Variants in PLEKHA6 observed in about 807,000 individuals in gnomAD.
PLEKHA6 encodes the protein pleckstrin homology domain-containing family A member 6.
In PLEKHA6, 60 loss-of-function variants were observed where a neutral mutation model predicts 116.7. The observed-to-expected ratio is 0.51, with a 90% CI of 0.42 to 0.64. PLEKHA6 has a LOEUF of 0.64. Ranked by LOEUF, PLEKHA6 falls within the 30% of genes least tolerant of loss-of-function variation. PLEKHA6 has a pLI of 0.00. For missense variants in PLEKHA6, 1,338 were observed against 1,422.7 expected, an observed-to-expected ratio of 0.94 and a Z score of 0.96; for synonymous variants, 489 against 556.1, an observed-to-expected ratio of 0.88 and a Z score of 1.70.
At chr1:204,332,242 G>A (rs530719525) in intron 1 of PLEKHA6, among the ~76,000 whole-genome samples, 2 of 152,282 alleles carry the variant, frequency 1.3e-5, no homozygotes, top group Non-Finnish European at 2.9e-5. Flanking sequence ...TCACAAGATG[G>A]CCAAGGCACA....
intron 1 of PLEKHA6, among the ~76,000 whole-genome samples, chr1:204,279,532 T>G (rs1319078487): frequency 6.6e-6 from 1 of 152,238 alleles, no homozygotes; most frequent in African/African-American, 2.4e-5. Context: ...GGCTTCCATT[T>G]GTCAAGGACA....
rs188353347 is a variant in PLEKHA6, at chr1:204,234,926, T to C, written c.2410-4340A>G. Among the ~76,000 whole-genome samples, 651 of 139,230 alleles carry C rather than the reference T, an allele frequency of 4.7e-3. 9 individuals are homozygous for C. Among genetic ancestry groups the C allele is most frequent in the African/African-American group, 0.016 (629 of 38,466 alleles). The allele number at this position is 139,230 out of a possible 152,430, so 91.3% of individuals were successfully genotyped here. A position where few individuals can be genotyped will look rare whatever the true frequency, so the allele number is the denominator to read the frequency against. On this transcript the variant is annotated intron_variant, in intron 17 of 22. Coordinates refer to ENST00000272203, the MANE Select transcript of PLEKHA6 (RefSeq NM_014935.5). ...AGCCTATTGTGGGACCTTGGGATCA[T>C]GTAAGTTAATACTTAATAAACTGCC...
Position 204,273,718 on chromosome 1 carries a change from T to C in PLEKHA6, c.10A>G (p.Lys4Glu). 1.2e-6 allele frequency: 2 copies of C among 1,613,450 alleles called. No individual in the cohort carries two copies. The highest frequency in any genetic ancestry group is 1.7e-6 in the Non-Finnish European group (2 of 1,179,388). Residue 4 changes from lysine (K) to glutamate (E), a missense_variant, in exon 3 of 23, where the codon AAA becomes GAA. Physicochemically the swap from Lys to Glu is moderately conservative, Grantham distance 56. Around this residue, in one of 3 missense-constraint regions of PLEKHA6, gnomAD observed 62 missense variants for 61.7 expected, o/e 1.01. Coordinates refer to ENST00000272203, the MANE Select transcript of PLEKHA6 (RefSeq NM_014935.5). MSNKTGGKRPATTN... is the reference protein window; with the variant it reads MSNETGGKRPATTN... ...GTAGCCGGGCGTTTCCCACCTGTTT[T>C]ATTGGACATGTCCAAGGTCGATCTG...
At chr1:204,284,486 G>A (rs545875497) in intron 1 of PLEKHA6, among the ~76,000 whole-genome samples, 1 of 152,262 alleles carries the variant, frequency 6.6e-6, no homozygotes, top group African/African-American at 2.4e-5. Context: ...AGGACTCTGA[G>A]GGCAAAGCGA....
At chr1:204,308,814 G>A (rs1261811857) in intron 1 of PLEKHA6, among the ~76,000 whole-genome samples, 8 of 143,526 alleles carry the variant, frequency 5.6e-5, no homozygotes, top group Middle Eastern at 3.9e-3. Flanking sequence ...TCAGCCTCCC[G>A]AGTAGCTGGG....
intron 3 of PLEKHA6, among the ~76,000 whole-genome samples, chr1:204,367,067 C>A (rs1285893225): frequency 6.6e-6 from 1 of 152,210 alleles, no homozygotes; most frequent in Non-Finnish European, 1.5e-5. Context: ...CACGCTGAGC[C>A]TCACCCTTGC....
At position 204,228,915 on chromosome 1, in the gene PLEKHA6, A is replaced by G; in HGVS notation, c.2751+22T>C. 6.2e-7 allele frequency: 1 copy of G among 1,614,032 alleles called. No homozygotes were observed. Among genetic ancestry groups the G allele is most frequent in the East Asian group, 2.2e-5 (1 of 44,878 alleles). On this transcript the variant is annotated intron_variant, in intron 19 of 22. Coordinates refer to ENST00000272203, the MANE Select transcript of PLEKHA6 (RefSeq NM_014935.5). This position sits in a 1 kb window ranked among gnomAD's most constrained non-coding sequence, Gnocchi z 4.0. ...GTCCCTTCCCAGAGTCTCCCACTACAGCCCTTCCTGGCTCCACTCACCTCC... is the reference window on the plus strand; with the variant it reads ...GTCCCTTCCCAGAGTCTCCCACTACGGCCCTTCCTGGCTCCACTCACCTCC...
intron 1 of PLEKHA6, among the ~76,000 whole-genome samples, chr1:204,315,360 G>A (rs531879452): frequency 2.0e-5 from 3 of 152,248 alleles, no homozygotes; most frequent in Admixed American, 1.3e-4. Flanking sequence ...TCTTTCAAAC[G>A]TCATATTCTA....
chr1:204,367,031 CAGA>C (rs1269877141), intron 3 of PLEKHA6, among the ~76,000 whole-genome samples: 1 of 152,218 alleles, frequency 6.6e-6, no homozygotes, highest in Non-Finnish European at 1.5e-5. Flanking sequence ...GAGGCCAGAC[CAGA>C]AGGTGAGGCC....
upstream of PLEKHA6, among the ~76,000 whole-genome samples, chr1:204,360,788 G>A (rs968043091): frequency 2.6e-5 from 4 of 152,158 alleles, no homozygotes; most frequent in African/African-American, 7.2e-5. Flanking sequence ...TGCTAGCCAA[G>A]CTACGGGGTA....
intron 1 of PLEKHA6, among the ~76,000 whole-genome samples, chr1:204,318,213 G>T (rs932584053): frequency 6.6e-5 from 10 of 152,206 alleles, no homozygotes; most frequent in Non-Finnish European, 1.3e-4. Flanking sequence ...TGGCTTTAGA[G>T]AAGGAGACAG....
At position 204,219,789 on chromosome 1, in the gene PLEKHA6, C is replaced by A. The variant is rs1659458772; in HGVS notation, c.*2999G>T. On this transcript the variant is annotated 3_prime_UTR_variant, in exon 23 of 23. Transcript: ENST00000272203. ...AGGCTAAGCAGCTTGGAAGGCTGAGCTGGCTTAGTTCGGTGCCCCAGTGGC... is the reference window on the plus strand; with the variant it reads ...AGGCTAAGCAGCTTGGAAGGCTGAGATGGCTTAGTTCGGTGCCCCAGTGGC... 1 of 152,244 alleles carries A rather than the reference C, an allele frequency of 6.6e-6. No homozygotes were observed. Among genetic ancestry groups the A allele is most frequent in the Non-Finnish European group, 1.5e-5 (1 of 68,078 alleles). 9.4% of individuals were successfully genotyped at this position (152,244 alleles called of 1,614,324 possible). A position where few individuals can be genotyped will look rare whatever the true frequency, so the allele number is the denominator to read the frequency against.
chr1:204,318,519 C>T (rs1671944040), intron 1 of PLEKHA6, among the ~76,000 whole-genome samples: 1 of 152,204 alleles, frequency 6.6e-6, no homozygotes, highest in South Asian at 2.1e-4. Context: ...AAGGCCGGCC[C>T]TCGGAAGTTT....
intron 18 of PLEKHA6, among the ~76,000 whole-genome samples, chr1:204,229,508 G>GCCT (rs1660863909): frequency 6.6e-6 from 1 of 152,166 alleles, no homozygotes; most frequent in Non-Finnish European, 1.5e-5. Flanking sequence ...CCAACTCCTG[G>GCCT]CCTCGAGTCC....
At chr1:204,372,664 T>G (rs1032153640) in intron 1 of PLEKHA6, among the ~76,000 whole-genome samples, 1 of 152,180 alleles carries the variant, frequency 6.6e-6, no homozygotes, top group African/African-American at 2.4e-5. Flanking sequence ...TTTTGACTTA[T>G]CTATACACCT....
chr1:204,242,606 G>A (rs376218649), intron 15 of PLEKHA6, among the ~76,000 whole-genome samples: 47 of 152,342 alleles, frequency 3.1e-4, no homozygotes, highest in African/African-American at 1.1e-3. Flanking sequence ...ATCTTGGCTA[G>A]GGATGCAGGT....
intron 3 of PLEKHA6, chr1:204,367,768 G>C (rs143163573): frequency 6.6e-6 from 1 of 152,200 alleles, no homozygotes; most frequent in African/African-American, 2.4e-5. Flanking sequence ...AACCAACAGC[G>C]ACATCAGAAA....
At chr1:204,229,135 T>C in intron 18 of PLEKHA6, 31 bp from the exon 19 acceptor site, 1 of 1,601,086 alleles carries the variant, frequency 6.2e-7, no homozygotes. Context: ...GATTGCACCA[T>C]GGCTACCCAT....
intron 12 of PLEKHA6, among the ~76,000 whole-genome samples, chr1:204,248,337 A>G (rs1181679072): frequency 6.6e-6 from 1 of 152,122 alleles, no homozygotes; most frequent in Non-Finnish European, 1.5e-5. Context: ...TATTTTTAGT[A>G]GAGACAGGGT....
Sources: allele counts gnomAD v4.1 joint callset (sites outside exome capture counted in the v4.1 genomes callset), GRCh38; gene constraint gnomAD v4.1.1; regional missense constraint gnomAD v4.1.1; non-coding constraint Gnocchi (gnomAD v3.1); transcripts MANE v1.5; gene names NCBI Gene and HGNC (gene_info 2026-07-23, HGNC 2026-07-21).